CDYL: variants seen among roughly 807,000 people sequenced by gnomAD.
The protein encoded by CDYL is chromodomain Y-like protein.
Under a neutral mutation model 47.3 loss-of-function variants are expected in CDYL, and 8 were observed. The ratio of observed to expected loss-of-function variants is 0.17; its 90% CI spans 0.10 to 0.31. CDYL has a LOEUF of 0.31. Ranked by LOEUF, CDYL falls within the 10% of genes least tolerant of loss-of-function variation. The probability of loss-of-function intolerance (pLI) is 1.00; values close to 1 mark genes in which losing one functional copy is unlikely to be tolerated. For missense variants in CDYL, 471 were observed against 701.4 expected (o/e 0.67, Z 3.71); for synonymous variants, 266 against 265.0 (o/e 1.00, Z -0.04).
At chr6:4,733,205 A>G (rs1003773301) in intron 2 of CDYL, 1 of 152,226 alleles carries the variant, frequency 6.6e-6, no homozygotes, top group African/African-American at 2.4e-5. Flanking sequence ...GAGCCCTGCA[A>G]GTTTCAAGAG....
At chr6:4,953,562 C>T (rs1758773728) in intron 6 of CDYL, among the ~76,000 whole-genome samples, 1 of 152,174 alleles carries the variant, frequency 6.6e-6, no homozygotes, top group Non-Finnish European at 1.5e-5. Flanking sequence ...CAGGCATCCC[C>T]AGAGCTTTCT....
chr6:4,777,328 C>A (rs1012216268), intron 1 of CDYL, among the ~76,000 whole-genome samples: 1 of 152,186 alleles, frequency 6.6e-6, no homozygotes, highest in East Asian at 1.9e-4. Context: ...TGACCACATG[C>A]TTTAATTAGG....
upstream of CDYL, among the ~76,000 whole-genome samples, chr6:4,771,538 CCT>C (rs1480227260): frequency 6.6e-6 from 1 of 152,244 alleles, no homozygotes; most frequent in African/African-American, 2.4e-5. Flanking sequence ...CCACTAAGCG[CCT>C]CCAAGTGCTG....
At chr6:4,926,059 A>G (rs1377541735) in intron 2 of CDYL, among the ~76,000 whole-genome samples, 2 of 152,224 alleles carry the variant, frequency 1.3e-5, no homozygotes, top group Non-Finnish European at 2.9e-5. Context: ...GAAGTCTACT[A>G]GAATTAGACT....
intron 1 of CDYL, among the ~76,000 whole-genome samples, chr6:4,855,054 A>G (rs1429024645): frequency 6.6e-6 from 1 of 152,216 alleles, no homozygotes; most frequent in Non-Finnish European, 1.5e-5. Context: ...TGTCTAGACA[A>G]GGTTGCTTTA....
chr6:4,765,104 A>G (rs891250638), intron 3 of CDYL, among the ~76,000 whole-genome samples: 10 of 151,888 alleles, frequency 6.6e-5, no homozygotes, highest in Non-Finnish European at 1.5e-4. Flanking sequence ...GGGTGGATTA[A>G]CTGAGGTCAG....
In CDYL at chr6:4,732,926, AGAGCG is replaced by A. The variant is rs2082728685; in HGVS notation, c.104-1833_104-1829del. On this transcript the variant is annotated intron_variant, in intron 2 of 8. Coordinates refer to the CDYL transcript ENST00000328908. ...TCCCTGCGGCGCTGCAGAGTGGGAG[AGAGCG>A]GAACAGTGAAAGCTACTTCGGATCC... Among the ~76,000 whole-genome samples the A allele has an allele frequency of 3.3e-5, 5 of 152,196 alleles. No homozygotes were observed. The South Asian group carries it at 1.0e-3, about 32-fold the overall frequency.
chr6:4,922,573 AT>A (rs1757748588), intron 2 of CDYL, among the ~76,000 whole-genome samples: 1 of 152,174 alleles, frequency 6.6e-6, no homozygotes. Flanking sequence ...GCACGGCGTA[AT>A]CCAGGTGGTG....
chr6:4,917,820 C>T (rs9378920), intron 2 of CDYL, among the ~76,000 whole-genome samples: 127,895 of 152,178 alleles, frequency 0.84, 53,910 homozygotes, highest in Admixed American at 0.89. Flanking sequence ...TGGGTAATTA[C>T]AGATGTACTT....
chr6:4,818,862 G>C (rs1171298740), intron 1 of CDYL, among the ~76,000 whole-genome samples: 3 of 152,142 alleles, frequency 2.0e-5, no homozygotes, highest in East Asian at 1.9e-4. Flanking sequence ...AGAGGCACGA[G>C]GGCTTATTTA....
chr6:4,903,941 A>C (rs1283779127), intron 2 of CDYL, among the ~76,000 whole-genome samples: 2 of 152,186 alleles, frequency 1.3e-5, no homozygotes, highest in Non-Finnish European at 2.9e-5. Context: ...CATGTACCAC[A>C]TGGCAGGCAG....
chr6:4,768,107 G>A (rs370070450), intron 3 of CDYL, among the ~76,000 whole-genome samples: 2 of 152,276 alleles, frequency 1.3e-5, no homozygotes, highest in East Asian at 1.9e-4. Flanking sequence ...AGTCTCAAAG[G>A]TGTCATGCAA....
At chr6:4,743,351 T>A (rs1757831293) in intron 3 of CDYL, among the ~76,000 whole-genome samples, 1 of 152,226 alleles carries the variant, frequency 6.6e-6, no homozygotes, top group South Asian at 2.1e-4. Flanking sequence ...ATAGCTGAGT[T>A]TAGATTACAG....
chr6:4,766,819 T>C (rs1472768624), intron 3 of CDYL, among the ~76,000 whole-genome samples: 1 of 151,582 alleles, frequency 6.6e-6, no homozygotes, highest in Non-Finnish European at 1.5e-5. Context: ...GCCTGGGCAA[T>C]CTGGTGAAAC....
chr6:4,753,499 G>A (rs1039450461), intron 3 of CDYL, among the ~76,000 whole-genome samples: 5 of 152,156 alleles, frequency 3.3e-5, no homozygotes, highest in Non-Finnish European at 5.9e-5. Context: ...TCGCCTGAAG[G>A]TTATGCAAAT....
intron 1 of CDYL, among the ~76,000 whole-genome samples, chr6:4,786,764 C>A (rs887465597): frequency 3.3e-5 from 5 of 152,208 alleles, no homozygotes; most frequent in African/African-American, 1.2e-4. Flanking sequence ...TCCTCTCTGT[C>A]TATGGGCTAG....
At chr6:4,894,863 GTATATACACACA>G (rs1365773874) in intron 2 of CDYL, among the ~76,000 whole-genome samples, 3 of 27,752 alleles carry the variant, frequency 1.1e-4, no homozygotes, top group African/African-American at 1.7e-4. Flanking sequence ...GTGTATATGT[GTATATACACACA>G]TGTGTATGTG....
chr6:4,853,514 C>T (rs1355214491), intron 1 of CDYL, among the ~76,000 whole-genome samples: 2 of 152,124 alleles, frequency 1.3e-5, no homozygotes, highest in African/African-American at 4.8e-5. Flanking sequence ...TCCCCTCCTC[C>T]TCCCTTCCTC....
At chr6:4,827,094 T>A (rs557296857) in intron 1 of CDYL, among the ~76,000 whole-genome samples, 1 of 152,386 alleles carries the variant, frequency 6.6e-6, no homozygotes, top group African/African-American at 2.4e-5. Flanking sequence ...AAGTCTGTTT[T>A]GTCTGATATT....
Sources: allele counts gnomAD v4.1 joint callset (sites outside exome capture counted in the v4.1 genomes callset), GRCh38; gene constraint gnomAD v4.1.1; transcripts MANE v1.5; gene names NCBI Gene and HGNC (gene_info 2026-07-23, HGNC 2026-07-21).